TENT2: variants seen among roughly 807,000 people sequenced by gnomAD.
TENT2 encodes terminal nucleotidyltransferase 2, also known as poly(A) RNA polymerase GLD2.
Under a neutral mutation model 72.2 loss-of-function variants are expected in TENT2, and 44 were observed. That is an observed-to-expected ratio of 0.61 (90% confidence interval 0.48 to 0.78). The LOEUF is 0.78. TENT2 is among the 30% of genes least tolerant of loss of function. The probability of loss-of-function intolerance (pLI) is 0.00; values close to 1 mark genes in which losing one functional copy is unlikely to be tolerated. For synonymous variants in TENT2, 212 were observed against 192.5 expected (o/e 1.10, Z -0.84); for missense variants, 541 against 569.6 (o/e 0.95, Z 0.51).
rs1199886868 is a variant in TENT2, at chr5:79,626,837, A to T, written c.465+3348A>T. Among the ~76,000 whole-genome samples, 3 of 152,014 alleles carry T rather than the reference A, an allele frequency of 2.0e-5. No individual in the cohort carries two copies. In the South Asian group the frequency reaches 6.2e-4, roughly 32 times the overall value. On this transcript the variant is annotated intron_variant, in intron 4 of 14. Coordinates refer to ENST00000453514, the MANE Select transcript of TENT2 (RefSeq NM_001114394.3). Reference sequence around the variant, plus strand: ...TTAAATCAGACCTTTGAATGAACGTATAAGAACCTTTTTGCTGGGTGTGGT... The same window carrying T: ...TTAAATCAGACCTTTGAATGAACGTTTAAGAACCTTTTTGCTGGGTGTGGT...
intron 11 of TENT2, 146 bp downstream of exon 11, chr5:79,657,147 T>C: frequency 1.9e-6 from 1 of 533,512 alleles, no homozygotes; most frequent in East Asian, 3.3e-5. Flanking sequence ...ATTTAAAATG[T>C]TTCATATACT....
At chr5:79,617,739 C>T (rs1022059614) in intron 1 of TENT2, 5 of 152,196 alleles carry the variant, frequency 3.3e-5, no homozygotes, top group African/African-American at 1.2e-4. Flanking sequence ...TATAGAATTA[C>T]AGCCTGAGAG....
chr5:79,647,484 T>C (rs528807563), intron 8 of TENT2, among the ~76,000 whole-genome samples: 1 of 152,320 alleles, frequency 6.6e-6, no homozygotes, highest in African/African-American at 2.4e-5. Flanking sequence ...AGAATAACTC[T>C]ATTATTACTG....
chr5:79,638,896 A>G (rs900687507), intron 4 of TENT2, among the ~76,000 whole-genome samples: 16 of 152,304 alleles, frequency 1.1e-4, no homozygotes, highest in African/African-American at 3.4e-4. Flanking sequence ...TTCATTGCCA[A>G]ATTGCCCAGA....
intron 14 of TENT2, among the ~76,000 whole-genome samples, chr5:79,682,631 G>A (rs1822968019): frequency 1.3e-5 from 2 of 152,002 alleles, no homozygotes; most frequent in Non-Finnish European, 2.9e-5. Context: ...CAAAATAAGT[G>A]AATAAAACCT....
At chr5:79,646,989 G>A (rs1267216964) in intron 8 of TENT2, among the ~76,000 whole-genome samples, 1 of 151,830 alleles carries the variant, frequency 6.6e-6, no homozygotes, top group Non-Finnish European at 1.5e-5. Flanking sequence ...GCCTAGTCTC[G>A]AACCCCTGGC....
At chr5:79,636,269 T>G (rs534314608) in intron 4 of TENT2, among the ~76,000 whole-genome samples, 6 of 152,354 alleles carry the variant, frequency 3.9e-5, no homozygotes, top group African/African-American at 1.4e-4. Context: ...GTATCATAAA[T>G]CCTTATGTTG....
At chr5:79,629,230 T>C (rs1773027757) in intron 4 of TENT2, among the ~76,000 whole-genome samples, 1 of 152,224 alleles carries the variant, frequency 6.6e-6, no homozygotes, top group Non-Finnish European at 1.5e-5. Context: ...CCAACTTCTA[T>C]GTTATATTGA....
intron 12 of TENT2, among the ~76,000 whole-genome samples, chr5:79,669,971 G>C (rs1811634068): frequency 6.6e-6 from 1 of 151,996 alleles, no homozygotes; most frequent in Non-Finnish European, 1.5e-5. Flanking sequence ...GCTCATGCCT[G>C]TAATCCCAAC....
intron 10 of TENT2, among the ~76,000 whole-genome samples, chr5:79,650,354 T>A (rs1023792245): frequency 1.3e-5 from 2 of 152,052 alleles, no homozygotes; most frequent in African/African-American, 2.4e-5. Context: ...AATGTCACAT[T>A]TTCATAGCTG....
In TENT2 at chr5:79,679,605, G is replaced by C; in HGVS notation, c.1235G>C (p.Arg412Pro). 6.3e-7 allele frequency: 1 copy of C among 1,599,584 alleles called. No individual in the cohort carries two copies. Among genetic ancestry groups the C allele is most frequent in the East Asian group, 2.2e-5 (1 of 44,666 alleles). Residue 412 changes from arginine to proline, a missense_variant, in exon 13 of 15, where the codon CGT (arginine) becomes CCT (proline). By Grantham distance (103) the Arg-to-Pro change is moderately radical (BLOSUM62 -2). Coordinates refer to ENST00000453514, the MANE Select transcript of TENT2 (RefSeq NM_001114394.3). ...TGGAATAGTCAAATGATTTCAGTTC[G>C]TGAAGCCAAAGCCATTCCAAGGCCT... ...FDWNSQMISV[R>P]EAKAIPRPDG...
At position 79,650,655 on chromosome 5, in the gene TENT2, G is replaced by A. The variant is rs192388318; in HGVS notation, c.1027+1465G>A. ...GAGATGATTTGATGCCCTTATAGCT[G>A]TGTTTCTGTACTGAGGATACTGGGA... On this transcript the variant is annotated intron_variant, in intron 10 of 14. Coordinates refer to ENST00000453514, the MANE Select transcript of TENT2 (RefSeq NM_001114394.3). Among the ~76,000 whole-genome samples, 12 of 152,204 alleles carry A rather than the reference G, an allele frequency of 7.9e-5. No homozygotes were observed. In the East Asian group the frequency reaches 2.3e-3, roughly 29 times the overall value.
At chr5:79,655,317 T>C (rs1317215902) in intron 10 of TENT2, among the ~76,000 whole-genome samples, 1 of 152,104 alleles carries the variant, frequency 6.6e-6, no homozygotes, top group Non-Finnish European at 1.5e-5. Context: ...ATTACTGAGT[T>C]CTAAAAGCTT....
chr5:79,641,483 A>T (rs1269039858), intron 6 of TENT2, among the ~76,000 whole-genome samples: 2 of 146,682 alleles, frequency 1.4e-5, no homozygotes, highest in Non-Finnish European at 3.0e-5. Flanking sequence ...AAATGTCATT[A>T]GTTTGGATAT....
chr5:79,682,107 A>G (rs1822441086), intron 14 of TENT2, 46 bp downstream of exon 14: 2 of 1,435,394 alleles, frequency 1.4e-6, no homozygotes, highest in South Asian at 1.2e-5. Context: ...GTAGACTAGT[A>G]TGCTTTAAAC....
intron 4 of TENT2, among the ~76,000 whole-genome samples, chr5:79,639,058 G>A (rs186066930): frequency 6.6e-6 from 1 of 152,192 alleles, no homozygotes; most frequent in African/African-American, 2.4e-5. Context: ...ACTGGTAGAC[G>A]TGTTTGTGCC....
intron 7 of TENT2, 30 bp downstream of exon 7, chr5:79,642,940 TC>T: frequency 1.9e-6 from 3 of 1,600,706 alleles, no homozygotes; most frequent in Non-Finnish European, 2.6e-6. Flanking sequence ...AGTTTGTATG[TC>T]ACCTGACGTA....
At chr5:79,666,193 T>A (rs949574068) in intron 11 of TENT2, among the ~76,000 whole-genome samples, 3 of 151,768 alleles carry the variant, frequency 2.0e-5, no homozygotes, top group African/African-American at 7.3e-5. Context: ...TTCACCGTGT[T>A]GGCCAGGCTG....
intron 12 of TENT2, among the ~76,000 whole-genome samples, chr5:79,670,305 A>T (rs777612226): frequency 1.2e-4 from 18 of 151,848 alleles, no homozygotes; most frequent in Non-Finnish European, 1.5e-4. Flanking sequence ...ATAAAAAGGT[A>T]AGAGCTTTTA....
Sources: allele counts gnomAD v4.1 joint callset (sites outside exome capture counted in the v4.1 genomes callset), GRCh38; gene constraint gnomAD v4.1.1; transcripts MANE v1.5; gene names NCBI Gene and HGNC (gene_info 2026-07-23, HGNC 2026-07-21).